CNTNAP5: variants seen among roughly 807,000 people sequenced by gnomAD.
CNTNAP5 encodes the protein contactin-associated protein-like 5.
A neutral mutation model predicts 150.2 loss-of-function variants in CNTNAP5; 72 were observed. The ratio of observed to expected loss-of-function variants is 0.48; its 90% CI spans 0.40 to 0.58. CNTNAP5 has a LOEUF of 0.58. Ranked by LOEUF, CNTNAP5 falls within the 20% of genes least tolerant of loss-of-function variation. The probability of loss-of-function intolerance (pLI) is 0.00; values close to 1 mark genes in which losing one functional copy is unlikely to be tolerated. For synonymous variants in CNTNAP5, 672 were observed against 619.8 expected, an observed-to-expected ratio of 1.08 and a Z score of -1.25; for missense variants, 1,636 against 1,626.2, an observed-to-expected ratio of 1.01 and a Z score of -0.10.
intron 13 of CNTNAP5, among the ~76,000 whole-genome samples, chr2:124,674,538 T>TTTCTTC (rs1678895682): frequency 7.4e-5 from 10 of 134,858 alleles, no homozygotes; most frequent in African/African-American, 3.0e-4. Flanking sequence ...TTTCTTTCTT[T>TTTCTTC]CTTTCTTTCT....
intron 1 of CNTNAP5, among the ~76,000 whole-genome samples, chr2:124,061,886 G>A (rs1375036178): frequency 6.6e-6 from 1 of 152,052 alleles, no homozygotes; most frequent in Non-Finnish European, 1.5e-5. Flanking sequence ...ATAATTCAAA[G>A]CCATCCTTTG....
chr2:124,758,248 C>T (rs780474704), intron 14 of CNTNAP5, among the ~76,000 whole-genome samples: 2 of 152,118 alleles, frequency 1.3e-5, no homozygotes, highest in Non-Finnish European at 2.9e-5. Flanking sequence ...GACTCTTATG[C>T]TTATGATCTC....
At chr2:124,091,685 T>G (rs1472536802) in intron 1 of CNTNAP5, among the ~76,000 whole-genome samples, 2 of 152,282 alleles carry the variant, frequency 1.3e-5, no homozygotes, top group Admixed American at 6.5e-5. Context: ...CCTTGGGAGC[T>G]CTAACGTTTT....
chr2:124,407,698 G>T (rs1273439183), intron 3 of CNTNAP5, among the ~76,000 whole-genome samples: 1 of 152,178 alleles, frequency 6.6e-6, no homozygotes, highest in African/African-American at 2.4e-5. Context: ...CATTGTATAG[G>T]ATTAGAGATA....
intron 1 of CNTNAP5, among the ~76,000 whole-genome samples, chr2:124,082,478 T>C (rs1288506415): frequency 2.0e-5 from 3 of 152,166 alleles, no homozygotes; most frequent in Non-Finnish European, 4.4e-5. Flanking sequence ...TTCTTTTCTT[T>C]CCCATTTACT....
intron 5 of CNTNAP5, among the ~76,000 whole-genome samples, chr2:124,442,543 A>G (rs917031557): frequency 6.6e-6 from 1 of 152,236 alleles, no homozygotes; most frequent in African/African-American, 2.4e-5. Context: ...GCCTCATACC[A>G]TACATCAGAA....
At chr2:124,726,275 G>C (rs878870926) in intron 13 of CNTNAP5, among the ~76,000 whole-genome samples, 1 of 152,084 alleles carries the variant, frequency 6.6e-6, no homozygotes, top group Non-Finnish European at 1.5e-5. Context: ...TGTAATCCCC[G>C]TGTGTCAAGA....
chr2:124,833,966 GC>G (rs1310631272), intron 19 of CNTNAP5, among the ~76,000 whole-genome samples: 1 of 152,144 alleles, frequency 6.6e-6, no homozygotes, highest in Non-Finnish European at 1.5e-5. Context: ...AATTACTCTG[GC>G]ATGCAGAAAT....
chr2:124,597,377 T>C (rs1330310523), intron 11 of CNTNAP5, among the ~76,000 whole-genome samples: 2 of 150,304 alleles, frequency 1.3e-5, no homozygotes, highest in Non-Finnish European at 3.0e-5. Context: ...GTCTGTGAAG[T>C]ATTTTATTTC....
At chr2:124,677,865 T>C (rs1678980503) in intron 13 of CNTNAP5, among the ~76,000 whole-genome samples, 1 of 151,866 alleles carries the variant, frequency 6.6e-6, no homozygotes, top group African/African-American at 2.4e-5. Context: ...CACCTCTCAA[T>C]AATTCAGCCG....
intron 1 of CNTNAP5, among the ~76,000 whole-genome samples, chr2:124,117,635 C>T (rs1683459074): frequency 6.6e-6 from 1 of 152,184 alleles, no homozygotes; most frequent in Non-Finnish European, 1.5e-5. Context: ...GTAAAAAAAG[C>T]CTTGTTCAGC....
At chr2:124,441,877 G>A (rs971869102) in intron 5 of CNTNAP5, among the ~76,000 whole-genome samples, 2 of 150,012 alleles carry the variant, frequency 1.3e-5, no homozygotes, top group Non-Finnish European at 3.0e-5. Context: ...ATATATATAT[G>A]TACTAAGTAA....
rs1376764243 is a variant in CNTNAP5 at position 124,741,278 on chromosome 2, C to G, written c.2078-5951C>G. Among the ~76,000 whole-genome samples the G allele has an allele frequency of 2.0e-5, 3 of 152,158 alleles. No homozygotes were observed. In the East Asian group the frequency reaches 5.8e-4, roughly 29 times the overall value. ...ATCTATGGAACTTTCTAGCTCCATT[C>G]TGATATTGTCTGGAATTTTGCTTGG... On this transcript the variant is annotated intron_variant, in intron 13 of 23. Transcript: ENST00000682447.
At chr2:124,183,966 A>C (rs1685268793) in intron 1 of CNTNAP5, among the ~76,000 whole-genome samples, 1 of 152,184 alleles carries the variant, frequency 6.6e-6, no homozygotes. Context: ...TCAGCAGATA[A>C]ATGCCCAGAA....
intron 10 of CNTNAP5, among the ~76,000 whole-genome samples, chr2:124,536,857 T>C (rs559005114): frequency 1.3e-5 from 2 of 152,160 alleles, no homozygotes; most frequent in East Asian, 3.9e-4. Flanking sequence ...TGTTTGCCCA[T>C]ATTGGAAGGG....
chr2:124,567,585 A>G (rs1696052393), intron 11 of CNTNAP5, among the ~76,000 whole-genome samples: 1 of 152,150 alleles, frequency 6.6e-6, no homozygotes, highest in South Asian at 2.1e-4. Flanking sequence ...CCGAATAAAA[A>G]CAGTGTTTGC....
At chr2:124,804,704 C>G (rs1188544607) in intron 19 of CNTNAP5, among the ~76,000 whole-genome samples, 1 of 152,134 alleles carries the variant, frequency 6.6e-6, no homozygotes, top group African/African-American at 2.4e-5. Context: ...TCAGCCAGCA[C>G]TTGTGTTTGT....
At chr2:124,752,155 C>T (rs1680740874) in intron 14 of CNTNAP5, among the ~76,000 whole-genome samples, 3 of 152,134 alleles carry the variant, frequency 2.0e-5, no homozygotes, top group South Asian at 4.1e-4. Context: ...TTTCTTTTTG[C>T]TAAGCCAGGG....
At chr2:124,312,841 A>G (rs138364247) in intron 3 of CNTNAP5, among the ~76,000 whole-genome samples, 3,953 of 152,302 alleles carry the variant, frequency 0.026, 130 homozygotes, top group African/African-American at 0.073. Context: ...AAGTGCTGGG[A>G]TTACAGGCGT....
Sources: allele counts gnomAD v4.1 joint callset (sites outside exome capture counted in the v4.1 genomes callset), GRCh38; gene constraint gnomAD v4.1.1; transcripts MANE v1.5; gene names NCBI Gene and HGNC (gene_info 2026-07-23, HGNC 2026-07-21).